The following SSB variants were observed in gnomAD, a reference collection of about 807,000 sequenced individuals.
SSB encodes the protein small RNA binding exonuclease protection factor La, also known as lupus La protein.
Under a neutral mutation model 52.9 loss-of-function variants are expected in SSB, and 17 were observed. The ratio of observed to expected loss-of-function variants is 0.32; its 90% CI spans 0.22 to 0.48. SSB has a LOEUF of 0.48. Ranked by LOEUF, SSB falls within the 20% of genes least tolerant of loss-of-function variation. The pLI is 0.99. For synonymous variants in SSB, 111 were observed against 152.1 expected (o/e 0.73, Z 1.99); for missense variants, 314 against 463.6 (o/e 0.68, Z 2.96).
chr2:169,801,102 C>T (rs1028183667), intron 2 of SSB, 76 bp downstream of exon 2: 74 of 1,201,272 alleles, frequency 6.2e-5, no homozygotes, highest in Non-Finnish European at 8.3e-5. Flanking sequence ...AATTCTAGTA[C>T]ATGGACATAT....
At chr2:169,804,852 A>G (rs1689794519) in intron 2 of SSB, among the ~76,000 whole-genome samples, 1 of 151,984 alleles carries the variant, frequency 6.6e-6, no homozygotes, top group Non-Finnish European at 1.5e-5. Context: ...TTAAAAAATT[A>G]GAAGGGCAGG....
intron 2 of SSB, among the ~76,000 whole-genome samples, chr2:169,804,429 T>A (rs961290242): frequency 2.0e-5 from 3 of 151,740 alleles, no homozygotes; most frequent in East Asian, 1.9e-4. Context: ...TTATTTATTT[T>A]TTGGAGAGCT....
chr2:169,800,546 A>AAAAAT (rs1046231153), intron 1 of SSB, among the ~76,000 whole-genome samples: 8 of 151,010 alleles, frequency 5.3e-5, no homozygotes, highest in Non-Finnish European at 1.0e-4. Context: ...AAAAAAAAAA[A>AAAAAT]AAAAAAAGAG....
At position 169,808,567 on chromosome 2, in the gene SSB, A is replaced by C; in HGVS notation, c.626+14A>C. On this transcript the variant is annotated intron_variant, in intron 7 of 11. Coordinates refer to ENST00000260956, the MANE Select transcript of SSB (RefSeq NM_003142.5). Reference sequence around the variant, plus strand: ...AAGAGCTAAACAGTAAGTATGTTGAACTAATCACGACATAATTTGAATTCC... The same window carrying C: ...AAGAGCTAAACAGTAAGTATGTTGACCTAATCACGACATAATTTGAATTCC... The C allele has an allele frequency of 2.5e-6, 4 of 1,584,076 alleles. No homozygotes were observed. Among genetic ancestry groups the C allele is most frequent in the Non-Finnish European group, 3.5e-6 (4 of 1,153,998 alleles).
chr2:169,806,730 G>A lies in SSB; in HGVS notation c.346-55G>A, dbSNP rs887099558. 2.2e-6 allele frequency: 3 copies of A among 1,364,238 alleles called. No individual in the cohort carries two copies. In the African/African-American group the frequency reaches 4.4e-5, roughly 20 times the overall value. The allele number at this position is 1,364,238 out of a possible 1,614,324, so 84.5% of individuals were successfully genotyped here. ...AAAATGAATCAAATTCTCTCCAATT[G>A]TTTATCTGAGAAGTCATTATTTGTT... On this transcript the variant is annotated intron_variant, in intron 4 of 11. Coordinates refer to ENST00000260956, the MANE Select transcript of SSB (RefSeq NM_003142.5).
At chr2:169,806,549 C>T (rs1281281028) in intron 4 of SSB, 5 of 368,238 alleles carry the variant, frequency 1.4e-5, no homozygotes, top group Non-Finnish European at 2.4e-5. Flanking sequence ...TGCAAATCAT[C>T]TTGTTTTATT....
chr2:169,801,272 C>T (rs550970006), intron 2 of SSB, among the ~76,000 whole-genome samples: 2 of 152,104 alleles, frequency 1.3e-5, no homozygotes, highest in East Asian at 1.9e-4. Context: ...GTTTCATAGT[C>T]TCATATAAAA....
At chr2:169,808,307 T>C (rs747637246) in intron 6 of SSB, among the ~76,000 whole-genome samples, 175 bp from the exon 7 acceptor site, 2 of 152,122 alleles carry the variant, frequency 1.3e-5, no homozygotes, top group African/African-American at 2.4e-5. Context: ...AGCTGTTATA[T>C]AAAAAAACAT....
rs55845251 is a variant in SSB at position 169,807,737 on chromosome 2, CTTTTT to C, written c.554+685_554+689del. Reference sequence around the variant, plus strand: ...ATCTTATTTTTCATAGCCTATATGTCTTTTTTTTTTTTTTTTTTTTTTTACAGTAC... The same window carrying C: ...ATCTTATTTTTCATAGCCTATATGTCTTTTTTTTTTTTTTTTTTACAGTAC... On this transcript the variant is annotated intron_variant, in intron 6 of 11. Transcript: ENST00000260956. Among the ~76,000 whole-genome samples, 97 of 74,048 alleles carry C rather than the reference CTTTTT, an allele frequency of 1.3e-3. No homozygotes were observed. The Middle Eastern group carries it at 0.054, about 41-fold the overall frequency. The allele number at this position is 74,048 out of a possible 152,430, so 48.6% of individuals were successfully genotyped here. A position where few individuals can be genotyped will look rare whatever the true frequency, so the allele number is the denominator to read the frequency against.
intron 2 of SSB, among the ~76,000 whole-genome samples, chr2:169,803,561 A>T (rs78197383): frequency 0.031 from 4,674 of 151,844 alleles, 71 homozygotes; most frequent in Middle Eastern, 0.061. Context: ...ATTTTTTATA[A>T]TTTTTAAAAA....
Position 169,811,171 on chromosome 2 carries a change from G to T in SSB, c.998-12G>T. On this transcript the variant is annotated splice_polypyrimidine_tract_variant and intron_variant, in intron 10 of 11. Transcript: ENST00000260956. ...AAAGTTCTTTACAGAGTGCTCAATT[G>T]TGTCTCTACAGGTCGTAGATTTAAA... is the stretch of plus-strand genomic sequence containing the variant. 6.2e-7 allele frequency: 1 copy of T among 1,604,698 alleles called. No individual in the cohort carries two copies. Among genetic ancestry groups the T allele is most frequent in the Non-Finnish European group, 8.5e-7 (1 of 1,178,104 alleles).
intron 2 of SSB, among the ~76,000 whole-genome samples, chr2:169,804,668 CCT>C (rs1689788780): frequency 1.3e-5 from 2 of 152,030 alleles, no homozygotes; most frequent in Non-Finnish European, 2.9e-5. Flanking sequence ...GCCCCAGCCC[CCT>C]GAGTAGCTGG....
intron 9 of SSB, 118 bp downstream of exon 9, chr2:169,810,541 A>G: frequency 1.1e-6 from 1 of 948,928 alleles, no homozygotes; most frequent in Non-Finnish European, 1.6e-6. Context: ...CTACTTGATC[A>G]TTTGTTATTG....
chr2:169,806,924 A>G (rs1558971326), intron 5 of SSB, 32 bp downstream of exon 5: 1 of 1,607,866 alleles, frequency 6.2e-7, no homozygotes, highest in Non-Finnish European at 8.5e-7. Flanking sequence ...CTAGTTTTAA[A>G]ATATATGGGA....
intron 2 of SSB, among the ~76,000 whole-genome samples, chr2:169,804,569 T>C (rs1689786119): frequency 6.6e-6 from 1 of 151,572 alleles, no homozygotes; most frequent in South Asian, 2.1e-4. Flanking sequence ...TTTTTTGAGA[T>C]GGAGTCTCAC....
At chr2:169,806,628 G>C (rs1007327639) in intron 4 of SSB, 157 bp from the exon 5 acceptor site, 24 of 574,960 alleles carry the variant, frequency 4.2e-5, no homozygotes, top group Non-Finnish European at 6.8e-5. Context: ...GAGAGTAGTG[G>C]CTCCTAAACA....
intron 2 of SSB, among the ~76,000 whole-genome samples, chr2:169,802,988 C>G (rs1202718866): frequency 1.3e-5 from 2 of 152,078 alleles, no homozygotes; most frequent in Non-Finnish European, 2.9e-5. Context: ...TCTTAGTAAA[C>G]ATGTTTATTG....
At chr2:169,801,984 C>A (rs547299819) in intron 2 of SSB, among the ~76,000 whole-genome samples, 8 of 152,148 alleles carry the variant, frequency 5.3e-5, no homozygotes, top group Admixed American at 5.2e-4. Flanking sequence ...GAGTTAGAGA[C>A]CAGCCTGGGC....
chr2:169,809,449 T>G (rs1689898120), intron 8 of SSB, among the ~76,000 whole-genome samples: 1 of 152,142 alleles, frequency 6.6e-6, no homozygotes, highest in African/African-American at 2.4e-5. Context: ...CATTTATGCC[T>G]AGAACTTATT....
Sources: gnomAD v4.1 joint callset for allele counts (sites outside exome capture counted in the v4.1 genomes callset) on GRCh38, gnomAD v4.1.1 for gene constraint, MANE v1.5 for transcripts, NCBI Gene and HGNC (gene_info 2026-07-23, HGNC 2026-07-21) for gene names.